GCKR: variants seen among roughly 807,000 people sequenced by gnomAD.
GCKR encodes glucokinase regulator.
GCKR carries 73 observed loss-of-function variants against 82.9 expected under a neutral mutation model. That is an observed-to-expected ratio of 0.88 (90% CI 0.73 to 1.07). GCKR has a LOEUF of 1.07. Ranked by LOEUF, GCKR falls within the 50% of genes least tolerant of loss-of-function variation. The pLI, the probability that GCKR is intolerant of heterozygous loss-of-function variation, is 0.00. For missense variants in GCKR, 784 were observed against 782.1 expected (o/e 1.00, Z -0.03); for synonymous variants, 294 against 291.8 (o/e 1.01, Z -0.08).
rs534091136 is a variant in GCKR at position 27,518,804 on chromosome 2, T to A, written c.1439T>A (p.Leu480Gln). The change falls in exon 17 of 19, where the codon CTA (leucine) becomes CAA (glutamine). Residue 480 changes from leucine (L) to glutamine (Q), a missense_variant. Transcript: ENST00000264717. ...CCTTTTCAGAAGTTCCAGCGTGAGC[T>A]AAGCACCAAATGGGTGCTGAATACA... ...GNFIQKFQRE[L>Q]STKWVLNTVS... is the part of the protein sequence containing the mutation. 4.3e-6 allele frequency: 7 copies of A among 1,613,776 alleles called. No homozygotes were observed. The African/African-American group carries it at 9.3e-5, about 22-fold the overall frequency.
intron 16 of GCKR, among the ~76,000 whole-genome samples, chr2:27,508,862 T>C (rs2148586564): frequency 6.7e-6 from 1 of 149,380 alleles, no homozygotes; most frequent in East Asian, 2.1e-4. Context: ...TCCAAAAGCT[T>C]TTACCACACC....
intron 16 of GCKR, among the ~76,000 whole-genome samples, chr2:27,514,703 G>A (rs1396032129): frequency 6.6e-6 from 1 of 152,134 alleles, no homozygotes; most frequent in Non-Finnish European, 1.5e-5. Context: ...GAATGTACAT[G>A]TATTTTTATA....
At chr2:27,498,980 GT>G (rs1252170104) in intron 5 of GCKR, among the ~76,000 whole-genome samples, 161 bp from the exon 6 acceptor site, 2 of 152,168 alleles carry the variant, frequency 1.3e-5, no homozygotes, top group Non-Finnish European at 2.9e-5. Flanking sequence ...AGGTATTTGA[GT>G]TTTTCAACTC....
intron 2 of GCKR, 50 bp from the exon 3 acceptor site, chr2:27,497,512 A>T: frequency 1.3e-6 from 2 of 1,560,796 alleles, no homozygotes; most frequent in Non-Finnish European, 1.8e-6. Context: ...CCCCTCCCCC[A>T]TTCATCGTCC....
intron 16 of GCKR, among the ~76,000 whole-genome samples, chr2:27,511,130 C>T (rs920034516): frequency 7.2e-5 from 11 of 151,986 alleles, no homozygotes; most frequent in Non-Finnish European, 1.0e-4. Context: ...CGGGTTCGAG[C>T]GATTCTCCTG....
intron 9 of GCKR, among the ~76,000 whole-genome samples, chr2:27,504,562 G>A (rs1669663600): frequency 6.6e-6 from 1 of 151,612 alleles, no homozygotes; most frequent in African/African-American, 2.4e-5. Flanking sequence ...TGGCCAGGCT[G>A]GTCTCGAACT....
At position 27,519,387 on chromosome 2, in the gene GCKR, C is replaced by T. The variant is rs139526437; in HGVS notation, c.1572+450C>T. On this transcript the variant is annotated intron_variant, in intron 17 of 18. Coordinates refer to ENST00000264717, the MANE Select transcript of GCKR (RefSeq NM_001486.4). Reference sequence around the variant, plus strand: ...TGCTATTTCAGCTCAGTGCAACCTCCGCCTCTGAGGTTCCATTGATTCTCC... The same window carrying T: ...TGCTATTTCAGCTCAGTGCAACCTCTGCCTCTGAGGTTCCATTGATTCTCC... 5.3e-4 allele frequency among the ~76,000 whole-genome samples: 81 copies of T among 151,992 alleles called. 2 individuals are homozygous for T. In the East Asian group the frequency reaches 0.014, roughly 26 times the overall value.
chr2:27,520,712 C>T (rs1206510489), intron 17 of GCKR, among the ~76,000 whole-genome samples: 1 of 152,096 alleles, frequency 6.6e-6, no homozygotes, highest in East Asian at 1.9e-4. Flanking sequence ...CTACATTTCT[C>T]TTTTTAGCAT....
rs1669489452 is a variant in GCKR, at chr2:27,498,747, A to G, written c.378A>G (p.Lys126=). 1 of 1,606,992 alleles carries G rather than the reference A, an allele frequency of 6.2e-7. No homozygotes were observed. Among genetic ancestry groups the G allele is most frequent in the Non-Finnish European group, 8.5e-7 (1 of 1,173,506 alleles). Residue 126 remains lysine, a synonymous_variant, in exon 5 of 19, where the codon AAA becomes AAG. Transcript: ENST00000264717. The part of the protein sequence containing the change: ...LMSVSFNQLM[K]GLGQKPLYTY... The stretch of plus-strand genomic sequence containing the variant: ...AGGTGTCCTTTAATCAGCTGATGAA[A>G]GGTCTGGGACAGAAACCTCTTTACA...
In GCKR at chr2:27,506,500, C is replaced by A. The variant is rs370118462; in HGVS notation, c.889C>A (p.Arg297=). 1.9e-6 allele frequency: 3 copies of A among 1,613,392 alleles called. No homozygotes were observed. The highest frequency in any genetic ancestry group is 2.2e-5 in the South Asian group (2 of 91,068). The change falls in exon 11 of 19, where the codon CGG becomes AGG. Residue 297 remains arginine, a synonymous_variant. Coordinates refer to ENST00000264717, the MANE Select transcript of GCKR (RefSeq NM_001486.4). Reference sequence around the variant, plus strand: ...TCCCAGATGCCTCCTGGAAATCTTGCGGACATTTGAGCGAGCTCATCAGGT... The same window carrying A: ...TCCCAGATGCCTCCTGGAAATCTTGAGGACATTTGAGCGAGCTCATCAGGT... ...ASQRCLLEIL[R]TFERAHQVTY...
intron 16 of GCKR, among the ~76,000 whole-genome samples, chr2:27,517,300 C>G (rs896705508): frequency 1.3e-5 from 2 of 152,090 alleles, no homozygotes; most frequent in South Asian, 2.1e-4. Flanking sequence ...AAGAACTGCC[C>G]GAGACTGGGT....
Position 27,507,327 on chromosome 2 carries a change from G to C in GCKR, c.1143+16G>C. 1.3e-6 allele frequency: 2 copies of C among 1,552,876 alleles called. No homozygotes were observed. The highest frequency in any genetic ancestry group is 1.8e-6 in the Non-Finnish European group (2 of 1,124,806). ...CACCAACCAGGTCGGAGAAGAACAG[G>C]ACTTGGGGAAGCTGGGGAGACCACT... On this transcript the variant is annotated intron_variant, in intron 13 of 18. Coordinates refer to ENST00000264717, the MANE Select transcript of GCKR (RefSeq NM_001486.4).
chr2:27,514,018 T>C, intron 16 of GCKR, among the ~76,000 whole-genome samples: 1 of 151,780 alleles, frequency 6.6e-6, no homozygotes. Flanking sequence ...ACCTATACTT[T>C]CCCTGATCCA....
At chr2:27,497,451 C>A (rs1168694654) in intron 2 of GCKR, 52 bp downstream of exon 2, 1 of 1,601,500 alleles carries the variant, frequency 6.2e-7, no homozygotes, top group East Asian at 2.2e-5. Context: ...CAACCCCAAC[C>A]CCACCTCTGC....
intron 8 of GCKR, among the ~76,000 whole-genome samples, chr2:27,503,160 T>C (rs544589959): frequency 1.3e-4 from 20 of 152,276 alleles, no homozygotes; most frequent in African/African-American, 4.8e-4. Context: ...GGTGACAATT[T>C]TGACATTTGA....
At position 27,512,956 on chromosome 2, in the gene GCKR, G is replaced by A. The variant is rs930372334; in HGVS notation, c.1422+4705G>A. ...ATTCAGGTTAAATTTTTTGGCAGGA[G>A]TACTGCATAGGGGAAGTTGTGCCCT... is the stretch of plus-strand genomic sequence containing the variant. On this transcript the variant is annotated intron_variant, in intron 16 of 18. Transcript: ENST00000264717. Among the ~76,000 whole-genome samples the A allele has an allele frequency of 4.6e-5, 7 of 152,300 alleles. No homozygotes were observed. The South Asian group carries it at 1.2e-3, about 27-fold the overall frequency.
chr2:27,510,034 A>G (rs2148587301), intron 16 of GCKR, among the ~76,000 whole-genome samples: 1 of 149,180 alleles, frequency 6.7e-6, no homozygotes, highest in East Asian at 2.0e-4. Flanking sequence ...TTTAAGATGG[A>G]GTCTCGCTCT....
intron 16 of GCKR, 138 bp from the exon 17 acceptor site, chr2:27,518,650 G>A: frequency 3.9e-6 from 3 of 772,396 alleles, no homozygotes; most frequent in Non-Finnish European, 7.0e-6. Context: ...TAAACGCTGG[G>A]CTGCTCAAAC....
At chr2:27,510,506 G>A (rs1669856088) in intron 16 of GCKR, among the ~76,000 whole-genome samples, 3 of 152,042 alleles carry the variant, frequency 2.0e-5, no homozygotes, top group Admixed American at 2.0e-4. Flanking sequence ...GAAATCACTG[G>A]GTCAAAGGGG....
Sources: allele counts gnomAD v4.1 joint callset (sites outside exome capture counted in the v4.1 genomes callset), GRCh38; gene constraint gnomAD v4.1.1; transcripts MANE v1.5; gene names NCBI Gene and HGNC (gene_info 2026-07-23, HGNC 2026-07-21).